The following RANBP10 variants were observed in gnomAD, a reference collection of about 807,000 sequenced individuals.
RANBP10 encodes the protein RAN binding protein 10, also known as ran-binding protein 10.
RANBP10 carries 24 observed loss-of-function variants against 72.8 expected under a neutral mutation model. The observed-to-expected ratio is 0.33, with a 90% CI of 0.24 to 0.46. The LOEUF is 0.46. RANBP10 is among the 20% of genes least tolerant of loss of function. The probability of loss-of-function intolerance (pLI) is 1.00; values close to 1 mark genes in which losing one functional copy is unlikely to be tolerated. For synonymous variants in RANBP10, 310 were observed against 322.3 expected (o/e 0.96, Z 0.41); for missense variants, 679 against 817.5 (o/e 0.83, Z 2.07).
intron 3 of RANBP10, among the ~76,000 whole-genome samples, chr16:67,745,341 T>C (rs1382583713): frequency 2.0e-5 from 3 of 151,620 alleles, no homozygotes; most frequent in African/African-American, 7.3e-5. Flanking sequence ...TTTTTATTTA[T>C]CTATTTTTTT....
intron 4 of RANBP10, chr16:67,738,670 T>A (rs888093687): frequency 6.6e-5 from 10 of 152,336 alleles, no homozygotes; most frequent in African/African-American, 2.2e-4. Context: ...GCCAGGATGG[T>A]CTCGATCTCC....
At chr16:67,741,467 C>A (rs1222190194) in intron 4 of RANBP10, among the ~76,000 whole-genome samples, 1 of 152,166 alleles carries the variant, frequency 6.6e-6, no homozygotes, top group African/African-American at 2.4e-5. Flanking sequence ...AGGATGCAAA[C>A]GGGATAGCTG....
intron 5 of RANBP10, among the ~76,000 whole-genome samples, chr16:67,735,265 G>A (rs2053820348): frequency 6.6e-6 from 1 of 152,226 alleles, no homozygotes; most frequent in African/African-American, 2.4e-5. Context: ...GCACATCATG[G>A]AGAGTGTCCT....
chr16:67,775,593 G>A (rs953880435), intron 2 of RANBP10, among the ~76,000 whole-genome samples: 14 of 151,392 alleles, frequency 9.2e-5, no homozygotes, highest in Non-Finnish European at 1.5e-4. Flanking sequence ...CAGGAAGATC[G>A]CTTGAGCCCA....
In RANBP10 at chr16:67,748,801, A is replaced by T. The variant is rs140436953; in HGVS notation, c.401-4346T>A. 5.3e-5 allele frequency among the ~76,000 whole-genome samples: 8 copies of T among 152,154 alleles called. No individual in the cohort carries two copies. In the East Asian group the frequency reaches 1.5e-3, roughly 29 times the overall value. On this transcript the variant is annotated intron_variant, in intron 3 of 13. Transcript: ENST00000317506. ...TAAGGAGTAGAAATGGAACCCACAG[A>T]GCCATGACAAGCCCAGGACCTGCAC...
At chr16:67,787,759 T>G (rs1045442924) in intron 2 of RANBP10, among the ~76,000 whole-genome samples, 1 of 152,142 alleles carries the variant, frequency 6.6e-6, no homozygotes, top group Admixed American at 6.5e-5. Context: ...CCCAGCACGT[T>G]GGGAGGCTGA....
At chr16:67,766,931 C>A (rs1262177350) in intron 3 of RANBP10, among the ~76,000 whole-genome samples, 2 of 152,080 alleles carry the variant, frequency 1.3e-5, no homozygotes, top group East Asian at 3.8e-4. Flanking sequence ...ACCTTAAAGA[C>A]AATCAGGGAG....
At chr16:67,767,876 A>G (rs867996150) in intron 3 of RANBP10, among the ~76,000 whole-genome samples, 5 of 151,732 alleles carry the variant, frequency 3.3e-5, no homozygotes, top group African/African-American at 4.8e-5. Flanking sequence ...GATTACAGGC[A>G]TGAGCCACCG....
At chr16:67,744,009 C>T (rs771342633) in intron 4 of RANBP10, 34 of 878,844 alleles carry the variant, frequency 3.9e-5, no homozygotes, top group Non-Finnish European at 4.6e-5. Context: ...CAACGCCAAA[C>T]CTTGCTCCAA....
At chr16:67,786,520 T>C (rs948287948) in intron 2 of RANBP10, among the ~76,000 whole-genome samples, 3 of 152,090 alleles carry the variant, frequency 2.0e-5, no homozygotes, top group African/African-American at 7.2e-5. Context: ...AAAGAATCTA[T>C]ACAGATAGCC....
At chr16:67,772,164 T>C (rs2054620061) in intron 2 of RANBP10, 78 bp from the exon 3 acceptor site, 3 of 1,474,778 alleles carry the variant, frequency 2.0e-6, no homozygotes, top group Admixed American at 2.0e-5. Context: ...AAACATTTAT[T>C]GGTAAAAGAC....
intron 3 of RANBP10, among the ~76,000 whole-genome samples, chr16:67,744,981 G>A (rs1193104338): frequency 1.3e-5 from 2 of 151,990 alleles, no homozygotes; most frequent in Middle Eastern, 3.5e-3. Context: ...CTGCCACAAC[G>A]CCCGGCTAAT....
rs184694645 is a variant in RANBP10 at position 67,736,548 on chromosome 16, C to T, written c.591+1465G>A. 5.9e-5 allele frequency among the ~76,000 whole-genome samples: 9 copies of T among 152,294 alleles called. No homozygotes were observed. In the East Asian group the frequency reaches 1.5e-3, roughly 26 times the overall value. On this transcript the variant is annotated intron_variant, in intron 5 of 13. Coordinates refer to ENST00000317506, the MANE Select transcript of RANBP10 (RefSeq NM_020850.3). ...ACCATGGGCTCTGCACACAGAGGAC[C>T]TCTCGCTTCCTTTCTTTCCCCTACC...
intron 3 of RANBP10, among the ~76,000 whole-genome samples, chr16:67,768,950 G>A (rs1260784459): frequency 6.6e-6 from 1 of 152,128 alleles, no homozygotes; most frequent in Non-Finnish European, 1.5e-5. Context: ...CCTGGCTCCC[G>A]CCACCCATCC....
rs549695256 is a variant in RANBP10 at position 67,765,167 on chromosome 16, T to A, written c.400+6867A>T. 4.2e-4 allele frequency among the ~76,000 whole-genome samples: 45 copies of A among 106,332 alleles called. No individual in the cohort carries two copies. The South Asian group carries it at 0.015, about 36-fold the overall frequency. 69.8% of individuals were successfully genotyped at this position (106,332 alleles called of 152,430 possible). On this transcript the variant is annotated intron_variant, in intron 3 of 13. Transcript: ENST00000317506. ...CTGAGCCAAGATTGCACCACTGCACTCCAACCTGGGTGACAGAGCAAGACT... is the reference window on the plus strand; with the variant it reads ...CTGAGCCAAGATTGCACCACTGCACACCAACCTGGGTGACAGAGCAAGACT...
chr16:67,805,096 A>T (rs1175636585), intron 2 of RANBP10, among the ~76,000 whole-genome samples: 1 of 152,224 alleles, frequency 6.6e-6, no homozygotes, highest in Admixed American at 6.5e-5. Flanking sequence ...ATGTGAAAGG[A>T]AGGAAGTCAC....
intron 2 of RANBP10, among the ~76,000 whole-genome samples, chr16:67,794,821 C>A (rs1381490765): frequency 1.3e-5 from 2 of 149,392 alleles, no homozygotes; most frequent in Non-Finnish European, 3.0e-5. Flanking sequence ...CTGGGCCCAG[C>A]CTAAAAAAAA....
intron 3 of RANBP10, among the ~76,000 whole-genome samples, chr16:67,748,312 G>A (rs1345922492): frequency 6.6e-6 from 1 of 151,480 alleles, no homozygotes; most frequent in Non-Finnish European, 1.5e-5. Flanking sequence ...TTGAGCCCAG[G>A]AGTTTAAGAC....
chr16:67,799,297 T>C (rs1013171234), intron 2 of RANBP10, among the ~76,000 whole-genome samples: 15 of 148,332 alleles, frequency 1.0e-4, no homozygotes, highest in Non-Finnish European at 1.8e-4. Flanking sequence ...TTTTTTTTTT[T>C]TTTTTTTTGA....
Sources: gnomAD v4.1 joint callset for allele counts (sites outside exome capture counted in the v4.1 genomes callset) on GRCh38, gnomAD v4.1.1 for gene constraint, MANE v1.5 for transcripts, NCBI Gene and HGNC (gene_info 2026-07-23, HGNC 2026-07-21) for gene names.